The following AGBL2 variants were observed in gnomAD, a reference collection of about 807,000 sequenced individuals.
The protein encoded by AGBL2 is cytosolic carboxypeptidase 2.
Under a neutral mutation model 103.0 loss-of-function variants are expected in AGBL2, and 87 were observed. That is an observed-to-expected ratio of 0.84 (90% CI 0.71 to 1.01). The LOEUF is 1.01. Among genes scored for constraint, AGBL2 ranks in the 50% least tolerant of loss-of-function variants. The pLI, the probability that AGBL2 is intolerant of heterozygous loss-of-function variation, is 0.00. For synonymous variants in AGBL2, 335 were observed against 356.7 expected, an observed-to-expected ratio of 0.94 and a Z score of 0.69; for missense variants, 904 against 1,023.5, an observed-to-expected ratio of 0.88 and a Z score of 1.59.
At chr11:47,688,266 G>GA (rs2097432062) in intron 10 of AGBL2, among the ~76,000 whole-genome samples, 1 of 152,038 alleles carries the variant, frequency 6.6e-6, no homozygotes, top group Non-Finnish European at 1.5e-5. Flanking sequence ...ACCAGAAATG[G>GA]AAAAGTTCTG....
intron 3 of AGBL2, chr11:47,710,906 TC>T (rs1032270197): frequency 9.9e-6 from 3 of 302,222 alleles, no homozygotes; most frequent in Non-Finnish European, 1.8e-5. Context: ...CGAGATCCTG[TC>T]TCAAAAAAAA....
At chr11:47,688,382 G>T (rs2097432478) in intron 10 of AGBL2, among the ~76,000 whole-genome samples, 2 of 152,104 alleles carry the variant, frequency 1.3e-5, no homozygotes, top group African/African-American at 4.8e-5. Flanking sequence ...GAAAGAGAGG[G>T]AGGCAGAGAG....
At chr11:47,665,192 C>T (rs1273436065) in intron 17 of AGBL2, among the ~76,000 whole-genome samples, 1 of 151,758 alleles carries the variant, frequency 6.6e-6, no homozygotes, top group East Asian at 1.9e-4. Context: ...CCACTACAGG[C>T]ATACACCACC....
intron 17 of AGBL2, among the ~76,000 whole-genome samples, chr11:47,665,528 C>A (rs190236595): frequency 6.6e-4 from 101 of 152,136 alleles, no homozygotes; most frequent in African/African-American, 2.4e-3. Flanking sequence ...ATGATCATGG[C>A]TCACTGCAGC....
chr11:47,665,987 T>A (rs1046760900), intron 17 of AGBL2, among the ~76,000 whole-genome samples: 1 of 151,664 alleles, frequency 6.6e-6, no homozygotes, highest in Non-Finnish European at 1.5e-5. Flanking sequence ...CAAGCCTGCG[T>A]GACAGAATGA....
At chr11:47,666,859 G>A (rs771070311) in intron 17 of AGBL2, 97 bp downstream of exon 17, 6 of 822,594 alleles carry the variant, frequency 7.3e-6, no homozygotes, top group South Asian at 2.9e-5. Context: ...TTAGGGTAAC[G>A]TAAATGGCTA....
At chr11:47,703,561 C>T (rs575086058) in intron 7 of AGBL2, among the ~76,000 whole-genome samples, 5 of 152,050 alleles carry the variant, frequency 3.3e-5, no homozygotes, top group Non-Finnish European at 7.4e-5. Context: ...GAGGCCAAGG[C>T]GGGTGGATCA....
At chr11:47,707,758 T>C (rs2097525686) in intron 4 of AGBL2, among the ~76,000 whole-genome samples, 1 of 152,228 alleles carries the variant, frequency 6.6e-6, no homozygotes, top group Non-Finnish European at 1.5e-5. Flanking sequence ...TAAGTTTCTT[T>C]AAAATTTTGC....
At chr11:47,673,956 G>C (rs7116970) in intron 14 of AGBL2, among the ~76,000 whole-genome samples, 2 of 151,232 alleles carry the variant, frequency 1.3e-5, no homozygotes, top group Non-Finnish European at 2.9e-5. Flanking sequence ...GCCAGCCGTG[G>C]TGGTGGGCAC....
intron 3 of AGBL2, among the ~76,000 whole-genome samples, chr11:47,713,610 A>T (rs1219749795): frequency 2.0e-5 from 3 of 150,868 alleles, no homozygotes; most frequent in Admixed American, 2.0e-4. Flanking sequence ...TTTTTTTGAG[A>T]CAGAGTCTCA....
chr11:47,661,170 A>G (rs1296569670), intron 18 of AGBL2, among the ~76,000 whole-genome samples: 2 of 152,110 alleles, frequency 1.3e-5, no homozygotes, highest in African/African-American at 4.8e-5. Flanking sequence ...CTCAAAAAAA[A>G]AAATTTTTTT....
Position 47,680,017 on chromosome 11 carries a change from C to T in AGBL2, c.1972G>A (p.Val658Ile). Residue 658 changes from valine to isoleucine, a missense_variant, in exon 13 of 19, where the codon GTC (valine) becomes ATC (isoleucine). Transcript: ENST00000525123. Reference protein sequence around the residue: ...IEDLKSLGYHVCDTLLDFCDP... With the variant: ...IEDLKSLGYHICDTLLDFCDP... ...CAAAAGTCCAGAAGGGTGTCACAGA[C>T]ATGATAACCTAAGGACTTCAGATCT... 4 of 1,610,162 alleles carry T rather than the reference C, an allele frequency of 2.5e-6. No individual in the cohort carries two copies. Among genetic ancestry groups the T allele is most frequent in the Non-Finnish European group, 3.4e-6 (4 of 1,177,832 alleles).
At chr11:47,661,841 C>T (rs1176810683) in intron 18 of AGBL2, among the ~76,000 whole-genome samples, 3 of 151,876 alleles carry the variant, frequency 2.0e-5, no homozygotes, top group Non-Finnish European at 4.4e-5. Context: ...CCTCCACCTC[C>T]GGGTTCAAGT....
intron 9 of AGBL2, 65 bp from the exon 10 acceptor site, chr11:47,690,923 A>G (rs191528871): frequency 5.1e-4 from 678 of 1,341,828 alleles, no homozygotes; most frequent in Non-Finnish European, 6.6e-4. Flanking sequence ...AAATTGGGAA[A>G]ATGTTGTTTT....
In AGBL2 at chr11:47,660,337, G is replaced by C; in HGVS notation, c.2545C>G (p.Pro849Ala). The C allele has an allele frequency of 4.3e-6, 7 of 1,611,176 alleles. No individual in the cohort carries two copies. The highest frequency in any genetic ancestry group is 5.9e-6 in the Non-Finnish European group (7 of 1,179,158). The change falls in exon 19 of 19, where the codon CCA (proline) becomes GCA (alanine). Residue 849 changes from proline (P) to alanine (A), a missense_variant. Pro to Ala is a conservative substitution (Grantham distance 27). Transcript: ENST00000525123. Reference sequence around the variant, plus strand: ...GGAGAGCATGATACTGTAAAGCCTGGCTTCTTATTCTGTGCAAATAAGATT... The same window carrying C: ...GGAGAGCATGATACTGTAAAGCCTGCCTTCTTATTCTGTGCAAATAAGATT... ...KNKGRMQNKK[P>A]GFTVSCSPKR...
chr11:47,680,797 A>AAACAC (rs1373791311), intron 12 of AGBL2, among the ~76,000 whole-genome samples: 1 of 151,852 alleles, frequency 6.6e-6, no homozygotes, highest in East Asian at 1.9e-4. Flanking sequence ...AAACAAAACA[A>AAACAC]AACAAAACAA....
intron 8 of AGBL2, among the ~76,000 whole-genome samples, chr11:47,696,010 C>CAAAAAAAAAAAAAA (rs1171058500): frequency 4.1e-3 from 70 of 17,196 alleles, no homozygotes; most frequent in Non-Finnish European, 4.7e-3. Context: ...ACTAAAAATA[C>CAAAAAAAAAAAAAA]AAAAAAAAAA....
intron 10 of AGBL2, among the ~76,000 whole-genome samples, chr11:47,686,309 C>T (rs2097423395): frequency 6.6e-6 from 1 of 152,044 alleles, no homozygotes; most frequent in Admixed American, 6.6e-5. Context: ...TGCCCTGTTG[C>T]TCAGGCTGGA....
At chr11:47,663,557 CT>C (rs556139830) in intron 17 of AGBL2, among the ~76,000 whole-genome samples, 678 of 139,208 alleles carry the variant, frequency 4.9e-3, no homozygotes, top group Admixed American at 7.7e-3. Flanking sequence ...TTATAGTATT[CT>C]TTTTTTTTTT....
Sources: gnomAD v4.1 joint callset for allele counts (sites outside exome capture counted in the v4.1 genomes callset) on GRCh38, gnomAD v4.1.1 for gene constraint, MANE v1.5 for transcripts, NCBI Gene and HGNC (gene_info 2026-07-23, HGNC 2026-07-21) for gene names.